The following COMMD1 variants were observed in gnomAD, a reference collection of about 807,000 sequenced individuals.
The protein encoded by COMMD1 is COMM domain-containing protein 1.
In COMMD1, 10 loss-of-function variants were observed where a neutral mutation model predicts 17.2. The observed-to-expected ratio is 0.58, with a 90% CI of 0.36 to 0.99. COMMD1 has a LOEUF of 0.99. Among genes scored for constraint, COMMD1 ranks in the 50% least tolerant of loss-of-function variants. COMMD1 has a pLI of 0.01. For missense variants in COMMD1, 270 were observed against 231.8 expected, an observed-to-expected ratio of 1.17 and a Z score of -1.07; for synonymous variants, 97 against 91.6, an observed-to-expected ratio of 1.06 and a Z score of -0.34.
chr2:62,062,099 G>C (rs911970852), intron 2 of COMMD1, among the ~76,000 whole-genome samples: 9 of 151,916 alleles, frequency 5.9e-5, no homozygotes, highest in Non-Finnish European at 1.0e-4. Flanking sequence ...TGATCCTACT[G>C]TTTGTAGCTG....
chr2:62,075,196 CAT>C (rs1671308862), intron 2 of COMMD1, among the ~76,000 whole-genome samples: 1 of 151,912 alleles, frequency 6.6e-6, no homozygotes, highest in Non-Finnish European at 1.5e-5. Flanking sequence ...GCCTGGTGCA[CAT>C]GTTTTTTAAA....
intron 1 of COMMD1, among the ~76,000 whole-genome samples, chr2:61,999,812 C>G (rs1271987030): frequency 6.6e-6 from 1 of 152,040 alleles, no homozygotes; most frequent in Non-Finnish European, 1.5e-5. Flanking sequence ...GTTATTGATA[C>G]CGAATTGAGT....
chr2:61,889,025 C>T (rs916696233), intron 1 of COMMD1, among the ~76,000 whole-genome samples: 8 of 150,932 alleles, frequency 5.3e-5, no homozygotes, highest in Non-Finnish European at 8.9e-5. Context: ...TCCTCAGCCT[C>T]CCGAGTAGCT....
chr2:61,960,732 A>G lies in COMMD1; in HGVS notation c.181-39969A>G, dbSNP rs545657389. On this transcript the variant is annotated intron_variant, in intron 1 of 2. Transcript: ENST00000311832. Reference sequence around the variant, plus strand: ...ACTGGTAGACCCTAATTGCTCTGCAATTCCTTTCTTTCCCCCTCGGGAGGT... The same window carrying G: ...ACTGGTAGACCCTAATTGCTCTGCAGTTCCTTTCTTTCCCCCTCGGGAGGT... 4.6e-5 allele frequency among the ~76,000 whole-genome samples: 7 copies of G among 152,180 alleles called. No homozygotes were observed. The South Asian group carries it at 8.3e-4, about 18-fold the overall frequency.
upstream of COMMD1, among the ~76,000 whole-genome samples, chr2:61,903,185 T>TGTAA (rs1669696070): frequency 6.6e-6 from 1 of 152,162 alleles, no homozygotes; most frequent in Non-Finnish European, 1.5e-5. Context: ...GGCTCACACC[T>TGTAA]GTAATCCCAG....
chr2:62,033,870 G>A (rs1425539115), intron 2 of COMMD1, among the ~76,000 whole-genome samples: 1 of 152,072 alleles, frequency 6.6e-6, no homozygotes, highest in Non-Finnish European at 1.5e-5. Flanking sequence ...AGCCCTTTGG[G>A]AGACCGAGGC....
intron 2 of COMMD1, among the ~76,000 whole-genome samples, chr2:62,061,009 T>C (rs1670841352): frequency 6.6e-6 from 1 of 152,186 alleles, no homozygotes; most frequent in Admixed American, 6.5e-5. Flanking sequence ...TTAGGGAATT[T>C]TTTCTTTTTT....
chr2:61,923,440 A>G (rs546604924), intron 1 of COMMD1, among the ~76,000 whole-genome samples: 14 of 152,244 alleles, frequency 9.2e-5, no homozygotes, highest in African/African-American at 3.4e-4. Flanking sequence ...AATTGAAAGC[A>G]AAATAAAAGC....
At chr2:62,109,403 A>C (rs1672395002) in intron 2 of COMMD1, among the ~76,000 whole-genome samples, 1 of 152,240 alleles carries the variant, frequency 6.6e-6, no homozygotes, top group South Asian at 2.1e-4. Context: ...AAATGTAGCT[A>C]CGCCCATCTC....
At chr2:61,902,120 C>T (rs779587449), upstream of COMMD1, among the ~76,000 whole-genome samples, 5 of 151,688 alleles carry the variant, frequency 3.3e-5, no homozygotes, top group South Asian at 2.1e-4. Context: ...CGTGAGCCAC[C>T]GCACCCGGCC....
At chr2:62,046,705 G>T (rs1343550741) in intron 2 of COMMD1, among the ~76,000 whole-genome samples, 5 of 152,220 alleles carry the variant, frequency 3.3e-5, no homozygotes, top group Admixed American at 3.3e-4. Flanking sequence ...GAATTTAGCA[G>T]ATGGCAGTTT....
chr2:62,072,959 T>A (rs2103963811), intron 2 of COMMD1, among the ~76,000 whole-genome samples: 1 of 152,310 alleles, frequency 6.6e-6, no homozygotes, highest in South Asian at 2.1e-4. Context: ...GGGCATGGGA[T>A]CCAGGCTGAT....
chr2:62,055,419 A>G (rs1220591851), intron 2 of COMMD1: 1 of 456,058 alleles, frequency 2.2e-6, no homozygotes, highest in Non-Finnish European at 4.4e-6. Context: ...GAAAATACCA[A>G]GAGTTCTACT....
intron 2 of COMMD1, among the ~76,000 whole-genome samples, chr2:62,035,556 C>G (rs1670015163): frequency 6.6e-6 from 1 of 151,678 alleles, no homozygotes; most frequent in Admixed American, 6.6e-5. Flanking sequence ...GCCTGGCCAA[C>G]ATGGTGTAAC....
At chr2:62,105,223 T>C (rs1360896279) in intron 2 of COMMD1, among the ~76,000 whole-genome samples, 1 of 152,046 alleles carries the variant, frequency 6.6e-6, no homozygotes, top group Non-Finnish European at 1.5e-5. Flanking sequence ...AAATCTCTTA[T>C]TATGGTTGTC....
At chr2:62,115,692 G>A (rs928742524) in intron 2 of COMMD1, among the ~76,000 whole-genome samples, 4 of 151,968 alleles carry the variant, frequency 2.6e-5, no homozygotes, top group Non-Finnish European at 2.9e-5. Flanking sequence ...GAGATAAAGG[G>A]GTATGACATC....
intron 1 of COMMD1, among the ~76,000 whole-genome samples, chr2:61,985,383 T>G (rs572996146): frequency 6.6e-6 from 1 of 152,270 alleles, no homozygotes; most frequent in East Asian, 1.9e-4. Flanking sequence ...GTGTGTTTCT[T>G]TTAGGCTACA....
chr2:61,977,114 G>C (rs1671822874), intron 1 of COMMD1, among the ~76,000 whole-genome samples: 1 of 151,658 alleles, frequency 6.6e-6, no homozygotes, highest in Non-Finnish European at 1.5e-5. Context: ...GAGCCACCAT[G>C]CCTGGCCATG....
intron 1 of COMMD1, among the ~76,000 whole-genome samples, chr2:61,996,166 C>G (rs1668748928): frequency 1.3e-5 from 2 of 152,116 alleles, no homozygotes. Flanking sequence ...CTCCTGCACT[C>G]CAGCCTGAGT....
Sources: allele counts gnomAD v4.1 joint callset (sites outside exome capture counted in the v4.1 genomes callset), GRCh38; gene constraint gnomAD v4.1.1; transcripts MANE v1.5; gene names NCBI Gene and HGNC (gene_info 2026-07-23, HGNC 2026-07-21).